Variants in HIVEP3 observed in about 807,000 individuals in gnomAD.
HIVEP3 encodes the protein transcription factor HIVEP3.
In HIVEP3, 49 loss-of-function variants were observed where a neutral mutation model predicts 152.8. That is an observed-to-expected ratio of 0.32 (90% CI 0.26 to 0.41). The LOEUF is 0.41. HIVEP3 is among the 10% of genes least tolerant of loss of function. HIVEP3 has a pLI of 1.00. For missense variants in HIVEP3, 2,790 were observed against 3,103.3 expected (o/e 0.90, Z 2.40); for synonymous variants, 1,269 against 1,289.0 (o/e 0.98, Z 0.33).
intron 1 of HIVEP3, among the ~76,000 whole-genome samples, chr1:42,018,777 T>C (rs1645537746): frequency 1.3e-5 from 2 of 152,000 alleles, no homozygotes; most frequent in South Asian, 4.1e-4. Context: ...AACCTGAAAA[T>C]AAACCTCACT....
At chr1:41,663,569 A>C (rs962617467) in intron 2 of HIVEP3, among the ~76,000 whole-genome samples, 2 of 152,164 alleles carry the variant, frequency 1.3e-5, no homozygotes, top group Non-Finnish European at 2.9e-5. Flanking sequence ...GTGCCTTTAT[A>C]CAACAGCCTC....
At chr1:41,540,190 C>T (rs930310657) in intron 5 of HIVEP3, among the ~76,000 whole-genome samples, 2 of 152,222 alleles carry the variant, frequency 1.3e-5, no homozygotes, top group Admixed American at 6.5e-5. Context: ...TGACACTATG[C>T]GTACACCAGG....
chr1:41,742,040 C>G lies in HIVEP3; in HGVS notation c.-800-41045G>C, dbSNP rs1344282283. ...TAATGCTTTTTAGAATTGATTCTGA[C>G]TTGTAGTTTAGCCCTGAATTCTACA... On this transcript the variant is annotated intron_variant, in intron 1 of 8. Coordinates refer to ENST00000372583, the MANE Select transcript of HIVEP3 (RefSeq NM_024503.5). Among the ~76,000 whole-genome samples, 3 of 152,176 alleles carry G rather than the reference C, an allele frequency of 2.0e-5. No homozygotes were observed. The East Asian group carries it at 5.8e-4, about 29-fold the overall frequency.
chr1:42,017,004 A>G (rs753904365), intron 1 of HIVEP3, among the ~76,000 whole-genome samples: 8 of 152,160 alleles, frequency 5.3e-5, no homozygotes, highest in Admixed American at 1.3e-4. Flanking sequence ...ATAATCAAAC[A>G]TGAGAGTACC....
upstream of HIVEP3, among the ~76,000 whole-genome samples, chr1:41,922,041 T>A (rs1211650836): frequency 2.6e-5 from 4 of 152,206 alleles, no homozygotes; most frequent in Non-Finnish European, 4.4e-5. Context: ...GAGTTCCAGA[T>A]GGAGGCATCA....
intron 1 of HIVEP3, among the ~76,000 whole-genome samples, chr1:41,722,870 G>A (rs952271162): frequency 6.6e-6 from 1 of 152,134 alleles, no homozygotes; most frequent in African/African-American, 2.4e-5. Context: ...ATATGTGTAT[G>A]TGTGAGAGAA....
At chr1:41,722,563 T>C (rs912926346) in intron 1 of HIVEP3, among the ~76,000 whole-genome samples, 3 of 134,300 alleles carry the variant, frequency 2.2e-5, no homozygotes, top group African/African-American at 8.1e-5. Flanking sequence ...CCTCCTTCCC[T>C]TCCTTCTGCC....
At chr1:41,896,070 G>A (rs1181024215) in intron 1 of HIVEP3, among the ~76,000 whole-genome samples, 4 of 152,256 alleles carry the variant, frequency 2.6e-5, no homozygotes, top group Admixed American at 6.5e-5. Context: ...ATTTAACAAC[G>A]TGGAGTGGTG....
intron 1 of HIVEP3, among the ~76,000 whole-genome samples, chr1:41,801,629 C>T (rs1230195475): frequency 2.0e-5 from 3 of 151,998 alleles, no homozygotes; most frequent in African/African-American, 7.3e-5. Flanking sequence ...CCTGTAGTCC[C>T]AGCTACTCGG....
At chr1:41,986,438 C>CTTTTTTT (rs34078704) in intron 1 of HIVEP3, among the ~76,000 whole-genome samples, 14 of 112,466 alleles carry the variant, frequency 1.2e-4, no homozygotes, top group South Asian at 8.8e-4. Context: ...TTGAATAGGA[C>CTTTTTTT]TTTTTTTTTT....
intron 1 of HIVEP3, among the ~76,000 whole-genome samples, chr1:41,933,244 T>A (rs1243168654): frequency 6.6e-6 from 1 of 152,080 alleles, no homozygotes; most frequent in Non-Finnish European, 1.5e-5. Flanking sequence ...GTTCTATCAT[T>A]TACTGAAAAA....
chr1:41,799,244 G>A (rs1650162873), intron 1 of HIVEP3, among the ~76,000 whole-genome samples: 1 of 152,142 alleles, frequency 6.6e-6, no homozygotes. Context: ...TAACTCCTCA[G>A]TAGGCATGTG....
At chr1:41,929,660 C>CCATG (rs1346203682) in intron 1 of HIVEP3, among the ~76,000 whole-genome samples, 33 of 147,990 alleles carry the variant, frequency 2.2e-4, no homozygotes, top group Admixed American at 3.4e-4. Context: ...GTATATTTAT[C>CCATG]CATGAATACA....
chr1:41,682,934 C>T (rs897176196), intron 2 of HIVEP3, among the ~76,000 whole-genome samples: 2 of 152,174 alleles, frequency 1.3e-5, no homozygotes, highest in African/African-American at 4.8e-5. Context: ...ACAAAAGTGC[C>T]ACCACGGAAG....
intron 1 of HIVEP3, among the ~76,000 whole-genome samples, chr1:41,949,049 C>T (rs1645090707): frequency 6.6e-6 from 1 of 152,184 alleles, no homozygotes; most frequent in African/African-American, 2.4e-5. Context: ...ATAGACACAA[C>T]CAACTCCTAA....
chr1:41,694,057 T>C (rs1170109756), intron 2 of HIVEP3, among the ~76,000 whole-genome samples: 1 of 152,264 alleles, frequency 6.6e-6, no homozygotes, highest in Non-Finnish European at 1.5e-5. Context: ...TTTCCAGATG[T>C]ACTTTGTAAA....
upstream of HIVEP3, among the ~76,000 whole-genome samples, chr1:41,920,599 T>G (rs1644935404): frequency 6.6e-6 from 1 of 152,030 alleles, no homozygotes; most frequent in African/African-American, 2.4e-5. Flanking sequence ...TTGTTTTGTT[T>G]TTTACCCCAG....
At chr1:41,718,774 C>CCACA (rs3064313) in intron 1 of HIVEP3, among the ~76,000 whole-genome samples, 31 of 148,540 alleles carry the variant, frequency 2.1e-4, no homozygotes, top group Admixed American at 5.4e-4. Context: ...TCTTTCACAC[C>CCACA]CACACACACA....
At chr1:41,997,183 T>G (rs947640935) in intron 1 of HIVEP3, among the ~76,000 whole-genome samples, 4 of 152,238 alleles carry the variant, frequency 2.6e-5, no homozygotes, top group Non-Finnish European at 5.9e-5. Context: ...CATAGCATCA[T>G]GTCCACAGTA....
Sources: gnomAD v4.1 joint callset for allele counts (sites outside exome capture counted in the v4.1 genomes callset) on GRCh38, gnomAD v4.1.1 for gene constraint, MANE v1.5 for transcripts, NCBI Gene and HGNC (gene_info 2026-07-23, HGNC 2026-07-21) for gene names.